Variants in VDAC1 observed in about 807,000 individuals in gnomAD.
VDAC1 encodes the protein non-selective voltage-gated ion channel VDAC1.
VDAC1 carries 10 observed loss-of-function variants against 34.7 expected under a neutral mutation model. That is an observed-to-expected ratio of 0.29 (90% CI 0.18 to 0.49). The LOEUF (loss-of-function observed/expected upper bound fraction) is 0.49, where lower values mean the gene tolerates loss of function less well. VDAC1 is among the 20% of genes least tolerant of loss of function. VDAC1 has a pLI of 0.99. For synonymous variants in VDAC1, 130 were observed against 136.0 expected (o/e 0.96, Z 0.30); for missense variants, 230 against 347.9 (o/e 0.66, Z 2.69).
At chr5:134,081,326 C>T in the VDAC1 span, among the ~76,000 whole-genome samples, 19 of 152,112 alleles carry the variant, frequency 1.2e-4, no homozygotes, top group Middle Eastern at 3.4e-3. Flanking sequence ...CGTGAGCCAC[C>T]GCACCCAGCC....
chr5:133,988,141 T>C (rs1752970920), intron 5 of VDAC1, among the ~76,000 whole-genome samples: 1 of 152,334 alleles, frequency 6.6e-6, no homozygotes, highest in East Asian at 1.9e-4. Flanking sequence ...ATTAACTATA[T>C]GATATCAACA....
chr5:134,090,806 C>A, the VDAC1 span, among the ~76,000 whole-genome samples: 1 of 152,218 alleles, frequency 6.6e-6, no homozygotes, highest in South Asian at 2.1e-4. Flanking sequence ...ATGCAACCCA[C>A]GGAGGAGAAG....
At chr5:134,077,859 CCTA>C in the VDAC1 span, among the ~76,000 whole-genome samples, 1 of 152,242 alleles carries the variant, frequency 6.6e-6, no homozygotes, top group African/African-American at 2.4e-5. Flanking sequence ...GGTCAGCTCT[CCTA>C]CTAAAGCCAG....
At chr5:133,994,926 T>C (rs889473544) in intron 1 of VDAC1, among the ~76,000 whole-genome samples, 1 of 152,002 alleles carries the variant, frequency 6.6e-6, no homozygotes, top group African/African-American at 2.4e-5. Flanking sequence ...AGCCAGAGCC[T>C]TCCCCACGAC....
chr5:134,002,870 G>T (rs1430415928), intron 1 of VDAC1, among the ~76,000 whole-genome samples: 1 of 152,022 alleles, frequency 6.6e-6, no homozygotes, highest in Admixed American at 6.6e-5. Context: ...TGAGGCTGAG[G>T]TGGGAGGATT....
the VDAC1 span, among the ~76,000 whole-genome samples, chr5:134,021,557 TA>T: frequency 2.9e-3 from 416 of 142,314 alleles, no homozygotes; most frequent in African/African-American, 7.0e-3. Context: ...GACCTTGTCT[TA>T]AAAAAAAAAA....
the VDAC1 span, among the ~76,000 whole-genome samples, chr5:134,032,454 G>T: frequency 2.0e-5 from 3 of 152,084 alleles, no homozygotes; most frequent in African/African-American, 7.2e-5. Context: ...CCACTCCTAG[G>T]ATTTCACTCT....
chr5:133,997,464 G>A (rs1483221615), intron 1 of VDAC1, among the ~76,000 whole-genome samples: 1 of 151,846 alleles, frequency 6.6e-6, no homozygotes, highest in East Asian at 1.9e-4. Flanking sequence ...TTGGGAGGCT[G>A]AGGTGGGCGG....
chr5:133,984,787 T>G (rs749110181), intron 5 of VDAC1, among the ~76,000 whole-genome samples: 2 of 151,910 alleles, frequency 1.3e-5, no homozygotes, highest in South Asian at 2.1e-4. Flanking sequence ...AATACAAAAA[T>G]TAGCTGGGTG....
chr5:134,036,963 AC>A, the VDAC1 span, among the ~76,000 whole-genome samples: 24 of 33,274 alleles, frequency 7.2e-4, no homozygotes, highest in African/African-American at 3.2e-3. Context: ...AAAAAAAAAA[AC>A]AAAAAAACAA....
chr5:133,983,222 T>G (rs1752768257), intron 5 of VDAC1, among the ~76,000 whole-genome samples: 1 of 150,124 alleles, frequency 6.7e-6, no homozygotes, highest in Non-Finnish European at 1.5e-5. Flanking sequence ...CACTCCAGCC[T>G]GGGCAACAAG....
the VDAC1 span, among the ~76,000 whole-genome samples, chr5:134,029,049 T>G: frequency 6.6e-6 from 1 of 152,178 alleles, no homozygotes; most frequent in East Asian, 1.9e-4. Context: ...CCAATCGTTC[T>G]GGTTTGTCTA....
the VDAC1 span, among the ~76,000 whole-genome samples, chr5:134,055,685 C>G: frequency 6.9e-6 from 1 of 145,242 alleles, no homozygotes; most frequent in African/African-American, 2.6e-5. Context: ...GCCATGGCTT[C>G]CCAAAGTGCT....
the VDAC1 span, among the ~76,000 whole-genome samples, chr5:134,093,654 C>T: frequency 6.6e-6 from 1 of 152,292 alleles, no homozygotes; most frequent in East Asian, 1.9e-4. Flanking sequence ...GAGCGTGAGC[C>T]GGCAGAGAGA....
chr5:134,045,991 C>CTTT, the VDAC1 span, among the ~76,000 whole-genome samples: 3 of 143,934 alleles, frequency 2.1e-5, no homozygotes, highest in African/African-American at 7.7e-5. Flanking sequence ...GGCAATTCTT[C>CTTT]TTTTTTTTTT....
Position 134,003,494 on chromosome 5 carries a change from T to G in VDAC1, c.-7+1401A>C, listed in dbSNP as rs114706627. On this transcript the variant is annotated intron_variant, in intron 1 of 8. Transcript: ENST00000265333. ...AGCTTGACAATGTCCATTTGTAAAC[T>G]TACAAGATTTTTCATAAATTAAGCT... 4.2e-3 allele frequency among the ~76,000 whole-genome samples: 641 copies of G among 152,338 alleles called. 5 individuals are homozygous for G. The highest frequency in any genetic ancestry group is 0.015 in the African/African-American group (620 of 41,570).
At chr5:134,110,384 T>C in the VDAC1 span, among the ~76,000 whole-genome samples, 1 of 152,156 alleles carries the variant, frequency 6.6e-6, no homozygotes, top group South Asian at 2.1e-4. Context: ...TTGCTTCATT[T>C]TAAGGGCAGC....
chr5:133,984,345 G>C (rs542403036), intron 5 of VDAC1, among the ~76,000 whole-genome samples: 1 of 151,554 alleles, frequency 6.6e-6, no homozygotes, highest in South Asian at 2.1e-4. Context: ...ACAGGTGTGA[G>C]CCACCTCGCC....
the VDAC1 span, among the ~76,000 whole-genome samples, chr5:134,111,421 A>AG: frequency 6.6e-6 from 1 of 152,130 alleles, no homozygotes; most frequent in Non-Finnish European, 1.5e-5. Context: ...GGTCACCTCC[A>AG]GGGGGGCAAC....
Sources: gnomAD v4.1 joint callset for allele counts (sites outside exome capture counted in the v4.1 genomes callset) on GRCh38, gnomAD v4.1.1 for gene constraint, MANE v1.5 for transcripts, NCBI Gene and HGNC (gene_info 2026-07-23, HGNC 2026-07-21) for gene names.